Variants in BNIP3L observed in about 807,000 individuals in gnomAD.
BNIP3L encodes BCL2/adenovirus E1B 19 kDa protein-interacting protein 3-like.
BNIP3L carries 10 observed loss-of-function variants against 25.5 expected under a neutral mutation model. The observed-to-expected ratio is 0.39, with a 90% CI of 0.24 to 0.67. BNIP3L has a LOEUF of 0.67. Ranked by LOEUF, BNIP3L falls within the 30% of genes least tolerant of loss-of-function variation. BNIP3L has a pLI of 0.45. For synonymous variants in BNIP3L, 113 were observed against 101.2 expected (o/e 1.12, Z -0.70); for missense variants, 215 against 270.9 (o/e 0.79, Z 1.45).
intron 2 of BNIP3L, 27 bp from the exon 3 acceptor site, chr8:26,395,203 C>A: frequency 6.2e-7 from 1 of 1,608,750 alleles, no homozygotes; most frequent in Non-Finnish European, 8.5e-7. Context: ...AGAATTAAAA[C>A]TAATAGCTGA....
chr8:26,406,689 G>C (rs764132146), intron 3 of BNIP3L, among the ~76,000 whole-genome samples: 6 of 151,932 alleles, frequency 3.9e-5, no homozygotes, highest in Non-Finnish European at 8.8e-5. Context: ...GGGCGTGGTG[G>C]CACACACCTG....
chr8:26,404,032 C>T (rs777250862), intron 3 of BNIP3L, among the ~76,000 whole-genome samples: 3 of 152,164 alleles, frequency 2.0e-5, no homozygotes, highest in Non-Finnish European at 4.4e-5. Context: ...CGATTGATAA[C>T]AGGAGAGCTC....
rs769529790 is a variant in BNIP3L at position 26,410,467 on chromosome 8, C to T, written c.*55C>T. On this transcript the variant is annotated 3_prime_UTR_variant, in exon 6 of 6. Transcript: ENST00000380629. Reference sequence around the variant, plus strand: ...TGACCTGTGAAGTGGTGTATTGTCACAGTAGCTTATTTGAACTTGAGACCA... The same window carrying T: ...TGACCTGTGAAGTGGTGTATTGTCATAGTAGCTTATTTGAACTTGAGACCA... 3.1e-6 allele frequency: 5 copies of T among 1,599,776 alleles called. No homozygotes were observed. The Admixed American group carries it at 5.0e-5, about 16-fold the overall frequency.
chr8:26,408,286 C>T lies in BNIP3L; in HGVS notation c.521C>T (p.Ala174Val). ...SVSLSMRKSG[A>V]MKKGGIFSAE... ...TCTTTAAGCATGAGGAAAAGTGGAG[C>T]CATGAAGAAAGGGGGTATTTTCTCC... Residue 174 changes from alanine to valine, a missense_variant, in exon 5 of 6, where the codon GCC becomes GTC. Coordinates refer to ENST00000380629, the MANE Select transcript of BNIP3L (RefSeq NM_004331.3). 6.2e-7 allele frequency: 1 copy of T among 1,614,032 alleles called. No individual in the cohort carries two copies. The highest frequency in any genetic ancestry group is 8.5e-7 in the Non-Finnish European group (1 of 1,179,928).
chr8:26,402,761 C>G (rs1437209597), intron 3 of BNIP3L, among the ~76,000 whole-genome samples: 1 of 152,066 alleles, frequency 6.6e-6, no homozygotes, highest in African/African-American at 2.4e-5. Context: ...GACTCTCTGT[C>G]TCTAAAAAAA....
chr8:26,385,269 A>C (rs1448100293), intron 1 of BNIP3L, among the ~76,000 whole-genome samples: 1 of 152,006 alleles, frequency 6.6e-6, no homozygotes, highest in South Asian at 2.1e-4. Flanking sequence ...AGGGATTTTC[A>C]TCTTCCTTTG....
intron 3 of BNIP3L, among the ~76,000 whole-genome samples, chr8:26,400,076 T>C (rs1806335127): frequency 6.7e-6 from 1 of 150,074 alleles, no homozygotes; most frequent in Non-Finnish European, 1.5e-5. Context: ...TTAAAGTTCA[T>C]ATGGAACCAA....
intron 1 of BNIP3L, among the ~76,000 whole-genome samples, chr8:26,389,222 G>A (rs1044273510): frequency 1.3e-5 from 2 of 151,870 alleles, no homozygotes; most frequent in Non-Finnish European, 2.9e-5. Flanking sequence ...GGTCCCATTG[G>A]TTTAAAAATA....
intron 2 of BNIP3L, 59 bp downstream of exon 2, chr8:26,391,485 C>A: frequency 1.4e-6 from 2 of 1,380,962 alleles, no homozygotes; most frequent in South Asian, 1.7e-5. Context: ...AGGGCTCATT[C>A]ACTCTAGGAA....
At chr8:26,389,927 C>G (rs1806067296) in intron 1 of BNIP3L, among the ~76,000 whole-genome samples, 1 of 152,160 alleles carries the variant, frequency 6.6e-6, no homozygotes, top group Non-Finnish European at 1.5e-5. Context: ...TGATGGAACT[C>G]CTTGTTCATC....
intron 3 of BNIP3L, among the ~76,000 whole-genome samples, chr8:26,400,097 G>A (rs1268546777): frequency 6.7e-6 from 1 of 150,094 alleles, no homozygotes; most frequent in African/African-American, 2.4e-5. Flanking sequence ...AAAAGAGCCT[G>A]CATCGCCAAG....
chr8:26,387,155 T>G (rs1806010052), intron 1 of BNIP3L, among the ~76,000 whole-genome samples: 1 of 152,172 alleles, frequency 6.6e-6, no homozygotes, highest in Non-Finnish European at 1.5e-5. Context: ...AACTAGTGAT[T>G]ATAAAACTGT....
intron 1 of BNIP3L, 118 bp from the exon 2 acceptor site, chr8:26,391,125 C>A (rs1290323909): frequency 6.2e-6 from 5 of 804,818 alleles, no homozygotes; most frequent in Non-Finnish European, 9.2e-6. Flanking sequence ...CTTCAGAATA[C>A]TTTTACATTT....
chr8:26,395,308 T>G lies in BNIP3L; in HGVS notation c.357+6T>G, dbSNP rs1382140604. 4 of 1,612,442 alleles carry G rather than the reference T, an allele frequency of 2.5e-6. No individual in the cohort carries two copies. The highest frequency in any genetic ancestry group is 3.4e-6 in the Non-Finnish European group (4 of 1,179,082). On this transcript the variant is annotated splice_donor_region_variant and intron_variant, in intron 3 of 5. Coordinates refer to ENST00000380629, the MANE Select transcript of BNIP3L (RefSeq NM_004331.3). The stretch of plus-strand genomic sequence containing the variant: ...GCAGGGACCATAGCTCTCAGGTGTG[T>G]CGGGGGGATTCTGATTTACAGTAAA...
At chr8:26,407,904 C>T in intron 3 of BNIP3L, 96 bp from the exon 4 acceptor site, 5 of 1,069,280 alleles carry the variant, frequency 4.7e-6, no homozygotes, top group African/African-American at 1.6e-5. Context: ...TGAGACACAA[C>T]CTTATGAGTT....
At chr8:26,394,805 C>G (rs1806196530) in intron 2 of BNIP3L, among the ~76,000 whole-genome samples, 1 of 152,156 alleles carries the variant, frequency 6.6e-6, no homozygotes, top group African/African-American at 2.4e-5. Flanking sequence ...CTGAAAGCGT[C>G]TTTGAGAACT....
Position 26,383,186 on chromosome 8 carries a change from G to T in BNIP3L, c.56G>T (p.Cys19Phe). Residue 19 changes from cysteine (C) to phenylalanine (F), a missense_variant, in exon 1 of 6, where the codon TGC becomes TTC. This residue lies in a region of BNIP3L where 69 missense variants were observed against 53.6 expected (regional missense o/e 1.29). Coordinates refer to ENST00000380629, the MANE Select transcript of BNIP3L (RefSeq NM_004331.3). The stretch of plus-strand genomic sequence containing the variant: ...CCCCTGCACAACAACAACAACAACT[G>T]CGAGGAAAATGAGCAGTCTCTGCCC... ...PPPLHNNNNN[C>F]EENEQSLPPP... 5 of 1,612,620 alleles carry T rather than the reference G, an allele frequency of 3.1e-6. No homozygotes were observed. Among genetic ancestry groups the T allele is most frequent in the Non-Finnish European group, 4.2e-6 (5 of 1,179,776 alleles).
intron 3 of BNIP3L, among the ~76,000 whole-genome samples, chr8:26,400,692 C>T (rs1459721391): frequency 1.0e-3 from 89 of 87,278 alleles, no homozygotes; most frequent in African/African-American, 3.9e-3. Context: ...TATCCAGAAT[C>T]TACAATGAAC....
chr8:26,413,078 A>G lies in BNIP3L; in HGVS notation c.*2666A>G, dbSNP rs1806664777. On this transcript the variant is annotated 3_prime_UTR_variant, in exon 6 of 6. Transcript: ENST00000380629. The surrounding 1 kb of genome is among the most constrained non-coding windows in gnomAD (Gnocchi z 5.2). ...GTTATATACAGTTTACAATACATGT[A>G]TAACTTGTAGCTATAAACATTTTGT... 1 of 152,680 alleles carries G rather than the reference A, an allele frequency of 6.5e-6. No homozygotes were observed. The highest frequency in any genetic ancestry group is 2.1e-4 in the South Asian group (1 of 4,836). The allele number at this position is 152,680 out of a possible 1,614,324, so 9.5% of individuals were successfully genotyped here. A position where few individuals can be genotyped will look rare whatever the true frequency, so the allele number is the denominator to read the frequency against.
Sources: gnomAD v4.1 joint callset for allele counts (sites outside exome capture counted in the v4.1 genomes callset) on GRCh38, gnomAD v4.1.1 for gene constraint, gnomAD v4.1.1 regional missense constraint, Gnocchi (gnomAD v3.1) non-coding constraint, MANE v1.5 for transcripts, NCBI Gene and HGNC (gene_info 2026-07-23, HGNC 2026-07-21) for gene names.